COL8A1: variants seen among roughly 807,000 people sequenced by gnomAD.
COL8A1 encodes the protein collagen type VIII alpha 1 chain, also known as collagen alpha-1(VIII) chain.
In COL8A1, 21 loss-of-function variants were observed where a neutral mutation model predicts 42.7. The observed-to-expected ratio is 0.49, with a 90% CI of 0.35 to 0.71. The LOEUF is 0.71. COL8A1 is among the 30% of genes least tolerant of loss of function. COL8A1 has a pLI of 0.01. For missense variants in COL8A1, 788 were observed against 962.4 expected (o/e 0.82, Z 2.40); for synonymous variants, 367 against 369.1 (o/e 0.99, Z 0.06).
chr3:99,657,658 C>T (rs1239748031), intron 1 of COL8A1, among the ~76,000 whole-genome samples: 3 of 152,172 alleles, frequency 2.0e-5, no homozygotes, highest in Non-Finnish European at 4.4e-5. Context: ...TTATGCCTTC[C>T]CTCCTGATAC....
At chr3:99,773,815 GTA>G (rs1553682062) in intron 2 of COL8A1, among the ~76,000 whole-genome samples, 571 of 35,910 alleles carry the variant, frequency 0.016, 15 homozygotes, top group Middle Eastern at 0.033. Context: ...ATATATGTGT[GTA>G]TATATATATA....
chr3:99,692,720 T>G (rs1306680125), intron 1 of COL8A1, among the ~76,000 whole-genome samples: 1 of 152,232 alleles, frequency 6.6e-6, no homozygotes, highest in Non-Finnish European at 1.5e-5. Context: ...CCGCATATAT[T>G]ACAGTAGTTC....
At chr3:99,641,268 T>C (rs1359328781) in intron 1 of COL8A1, among the ~76,000 whole-genome samples, 1 of 152,196 alleles carries the variant, frequency 6.6e-6, no homozygotes, top group Non-Finnish European at 1.5e-5. Flanking sequence ...CCCTCATTTA[T>C]GTGAACATGA....
intron 2 of COL8A1, among the ~76,000 whole-genome samples, chr3:99,781,677 C>T (rs890294903): frequency 1.3e-5 from 2 of 152,172 alleles, no homozygotes; most frequent in South Asian, 2.1e-4. Flanking sequence ...GCTACACAAA[C>T]TGTACTAGTG....
At position 99,668,902 on chromosome 3, in the gene COL8A1, A is replaced by G. The variant is rs1022358994; in HGVS notation, c.-129+30238A>G. ...TGACAAGTAAATTACTGCATAACAC[A>G]TTACTTACAAACTTAACAGCATAAA... On this transcript the variant is annotated intron_variant, in intron 1 of 3. Coordinates refer to ENST00000652472, the MANE Select transcript of COL8A1 (RefSeq NM_020351.4). Among the ~76,000 whole-genome samples, 4 of 152,042 alleles carry G rather than the reference A, an allele frequency of 2.6e-5. No homozygotes were observed. In the East Asian group the frequency reaches 5.8e-4, roughly 22 times the overall value.
Position 99,736,374 on chromosome 3 carries a change from A to G in COL8A1, c.-128-8523A>G, listed in dbSNP as rs529538892. Among the ~76,000 whole-genome samples, 4 of 152,254 alleles carry G rather than the reference A, an allele frequency of 2.6e-5. No homozygotes were observed. The South Asian group carries it at 6.2e-4, about 24-fold the overall frequency. On this transcript the variant is annotated intron_variant, in intron 1 of 3. Coordinates refer to ENST00000652472, the MANE Select transcript of COL8A1 (RefSeq NM_020351.4). ...GTGTCTTTGTTCTCATTGGTTTCAAAGAACATCTTTTTTTTTTATTATTAT... is the reference window on the plus strand; with the variant it reads ...GTGTCTTTGTTCTCATTGGTTTCAAGGAACATCTTTTTTTTTTATTATTAT...
rs913389535 is a variant in COL8A1 at position 99,713,513 on chromosome 3, G to A, written c.-128-31384G>A. 3.9e-5 allele frequency among the ~76,000 whole-genome samples: 6 copies of A among 152,162 alleles called. No homozygotes were observed. In the South Asian group the frequency reaches 6.2e-4, roughly 16 times the overall value. ...GCACCTCCTAAAACAGAATCCACGA[G>A]CTTCTATGGAATAAAGCTACAAACT... On this transcript the variant is annotated intron_variant, in intron 1 of 3. Coordinates refer to ENST00000652472, the MANE Select transcript of COL8A1 (RefSeq NM_020351.4).
intron 2 of COL8A1, among the ~76,000 whole-genome samples, chr3:99,766,880 C>A (rs1244415593): frequency 6.6e-6 from 1 of 151,438 alleles, no homozygotes; most frequent in East Asian, 1.9e-4. Context: ...ACTCATGAGG[C>A]AGAGGTTGCA....
chr3:99,755,560 C>A (rs1412706097), intron 2 of COL8A1, among the ~76,000 whole-genome samples: 1 of 152,018 alleles, frequency 6.6e-6, no homozygotes, highest in Admixed American at 6.6e-5. Flanking sequence ...CCATGTTGAT[C>A]ATGAAGAAAA....
intron 2 of COL8A1, among the ~76,000 whole-genome samples, chr3:99,775,386 C>A (rs572396105): frequency 6.6e-6 from 1 of 152,196 alleles, no homozygotes; most frequent in South Asian, 2.1e-4. Flanking sequence ...CCTCTTTTGG[C>A]AAGATATGGG....
intron 1 of COL8A1, among the ~76,000 whole-genome samples, chr3:99,737,382 T>C (rs1576456547): frequency 1.3e-5 from 2 of 152,152 alleles, no homozygotes; most frequent in East Asian, 1.9e-4. Context: ...TTCCATTCCA[T>C]ATTTAGTGCT....
chr3:99,737,406 C>A (rs946807061), intron 1 of COL8A1, among the ~76,000 whole-genome samples: 7 of 151,792 alleles, frequency 4.6e-5, no homozygotes, highest in Admixed American at 2.0e-4. Flanking sequence ...TTCAGGAGCT[C>A]TTTTAGGGCA....
At chr3:99,726,332 T>C (rs1031974901) in intron 1 of COL8A1, among the ~76,000 whole-genome samples, 1 of 151,862 alleles carries the variant, frequency 6.6e-6, no homozygotes, top group African/African-American at 2.4e-5. Context: ...TATGAGTAGG[T>C]TGTGAAAATT....
intron 1 of COL8A1, among the ~76,000 whole-genome samples, chr3:99,649,147 T>C (rs1008967222): frequency 3.3e-5 from 5 of 152,044 alleles, no homozygotes; most frequent in Non-Finnish European, 5.9e-5. Flanking sequence ...TTCCCCTCTG[T>C]GAGAACATGC....
intron 1 of COL8A1, among the ~76,000 whole-genome samples, chr3:99,692,674 C>T (rs926671398): frequency 6.6e-6 from 1 of 152,242 alleles, no homozygotes; most frequent in Admixed American, 6.5e-5. Context: ...ACTATACAGT[C>T]ATGAGCTATA....
chr3:99,670,450 C>T (rs1001235651), intron 1 of COL8A1, among the ~76,000 whole-genome samples: 2 of 151,928 alleles, frequency 1.3e-5, no homozygotes, highest in Admixed American at 1.3e-4. Flanking sequence ...GTCTTAGAGC[C>T]TGTAAAGATA....
At chr3:99,646,880 TA>T (rs1291468421) in intron 1 of COL8A1, among the ~76,000 whole-genome samples, 1 of 152,204 alleles carries the variant, frequency 6.6e-6, no homozygotes, top group Admixed American at 6.5e-5. Context: ...TCACATACAA[TA>T]CAGGGTTTCT....
chr3:99,695,185 C>A (rs1939332256), intron 1 of COL8A1, among the ~76,000 whole-genome samples: 1 of 151,852 alleles, frequency 6.6e-6, no homozygotes. Flanking sequence ...TTTTATTTAG[C>A]CAATATTTCT....
intron 1 of COL8A1, among the ~76,000 whole-genome samples, chr3:99,643,941 A>G (rs998887949): frequency 2.0e-5 from 3 of 152,328 alleles, no homozygotes; most frequent in African/African-American, 4.8e-5. Flanking sequence ...ATGGATAATC[A>G]GGAAAAACAT....
Sources: gnomAD v4.1 joint callset for allele counts (sites outside exome capture counted in the v4.1 genomes callset) on GRCh38, gnomAD v4.1.1 for gene constraint, MANE v1.5 for transcripts, NCBI Gene and HGNC (gene_info 2026-07-23, HGNC 2026-07-21) for gene names.